The following SOX30 variants were observed in gnomAD, a reference collection of about 807,000 sequenced individuals.
SOX30 encodes transcription factor SOX-30.
Under a neutral mutation model 58.6 loss-of-function variants are expected in SOX30, and 17 were observed. The ratio of observed to expected loss-of-function variants is 0.29; its 90% CI spans 0.20 to 0.44. The LOEUF (loss-of-function observed/expected upper bound fraction) is 0.44, where lower values mean the gene tolerates loss of function less well. SOX30 is among the 20% of genes least tolerant of loss of function. The pLI is 1.00. For synonymous variants in SOX30, 421 were observed against 400.2 expected, an observed-to-expected ratio of 1.05 and a Z score of -0.62; for missense variants, 951 against 965.8, an observed-to-expected ratio of 0.98 and a Z score of 0.20.
At chr5:157,669,792 T>G (rs1759743883) in intron 1 of SOX30, among the ~76,000 whole-genome samples, 1 of 152,142 alleles carries the variant, frequency 6.6e-6, no homozygotes, top group Admixed American at 6.6e-5. Flanking sequence ...GTGCAGGGAT[T>G]ACAGGCATGA....
chr5:157,662,271 A>G (rs1561590477), intron 2 of SOX30, among the ~76,000 whole-genome samples: 1 of 152,028 alleles, frequency 6.6e-6, no homozygotes, highest in Non-Finnish European at 1.5e-5. Flanking sequence ...AAAGTTAACA[A>G]TTTTGTAGAT....
intron 2 of SOX30, among the ~76,000 whole-genome samples, chr5:157,658,657 C>A (rs1759525523): frequency 6.6e-6 from 1 of 152,162 alleles, no homozygotes; most frequent in South Asian, 2.1e-4. Context: ...TGCTCCTATT[C>A]AGCATGAAGA....
At chr5:157,629,419 A>G (rs531818806) in intron 4 of SOX30, among the ~76,000 whole-genome samples, 2 of 152,328 alleles carry the variant, frequency 1.3e-5, no homozygotes, top group African/African-American at 4.8e-5. Flanking sequence ...TTTAAAAAAC[A>G]TAAAATCTAG....
intron 4 of SOX30, among the ~76,000 whole-genome samples, chr5:157,631,068 T>TATTATATATATATATATATAC: frequency 5.8e-5 from 1 of 17,306 alleles, no homozygotes; most frequent in Non-Finnish European, 2.4e-4. Context: ...TATATATATA[T>TATTATATATATATATATATAC]ACACACAATA....
chr5:157,666,846 C>T (rs1759681968), intron 2 of SOX30, among the ~76,000 whole-genome samples: 1 of 152,186 alleles, frequency 6.6e-6, no homozygotes, highest in Non-Finnish European at 1.5e-5. Context: ...GTTGGGATTA[C>T]AGGCATGCAC....
intron 2 of SOX30, among the ~76,000 whole-genome samples, chr5:157,657,537 TC>T (rs1333709121): frequency 6.6e-6 from 1 of 152,198 alleles, no homozygotes; most frequent in African/African-American, 2.4e-5. Flanking sequence ...GCTGAAATGT[TC>T]AGGAATATCA....
At chr5:157,652,773 A>G (rs565150335), upstream of SOX30, among the ~76,000 whole-genome samples, 10 of 152,258 alleles carry the variant, frequency 6.6e-5, no homozygotes, top group Non-Finnish European at 1.2e-4. Context: ...TCTACCTGCC[A>G]TTATCCTGTT....
intron 2 of SOX30, among the ~76,000 whole-genome samples, chr5:157,657,989 C>T (rs1265355709): frequency 6.6e-6 from 1 of 152,188 alleles, no homozygotes; most frequent in Admixed American, 6.5e-5. Context: ...ACAACAGCCC[C>T]TGTACAGGGT....
At chr5:157,643,101 G>GACAACAACAACA (rs200189852) in intron 3 of SOX30, among the ~76,000 whole-genome samples, 32 of 149,932 alleles carry the variant, frequency 2.1e-4, no homozygotes, top group African/African-American at 6.1e-4. Context: ...GAAGAAAACG[G>GACAACAACAACA]ACAACAACAA....
In SOX30 at chr5:157,652,012, G is replaced by A; in HGVS notation, c.67C>T (p.Pro23Ser). 7.0e-7 allele frequency: 1 copy of A among 1,430,528 alleles called. No individual in the cohort carries two copies. The highest frequency in any genetic ancestry group is 9.1e-7 in the Non-Finnish European group (1 of 1,100,492). 88.6% of individuals were successfully genotyped at this position (1,430,528 alleles called of 1,614,324 possible). A position where few individuals can be genotyped will look rare whatever the true frequency, so the allele number is the denominator to read the frequency against. Residue 23 changes from proline to serine, a missense_variant, in exon 1 of 5, where the codon CCG becomes TCG. This residue lies in a region of SOX30 where 363 missense variants were observed against 294.5 expected (regional missense o/e 1.23). Transcript: ENST00000265007. ...GCCCAAAAGGAGGTGCCCTCGACCG[G>A]CAGCGGGGGCGGAGCGGGACGCAAC... ...RPLRPAPPPL[P>S]VEGTSFWAAA...
intron 2 of SOX30, among the ~76,000 whole-genome samples, chr5:157,658,913 AAAACAGGTTGCAGT>A (rs1561589406): frequency 6.6e-6 from 1 of 152,352 alleles, no homozygotes; most frequent in East Asian, 1.9e-4. Context: ...GCTTGCAGAT[AAAACAGGTTGCAGT>A]AAAGAAGCTG....
chr5:157,640,234 A>G (rs1429774601), intron 3 of SOX30, among the ~76,000 whole-genome samples: 1 of 152,228 alleles, frequency 6.6e-6, no homozygotes, highest in East Asian at 1.9e-4. Flanking sequence ...GGAACTCTCA[A>G]TTTCTATTCG....
rs1382385290 is a variant in SOX30, at chr5:157,648,067, AAAT to A, written c.1207+587_1207+589del. Among the ~76,000 whole-genome samples, 11 of 152,272 alleles carry A rather than the reference AAAT, an allele frequency of 7.2e-5. No individual in the cohort carries two copies. In the Middle Eastern group the frequency reaches 0.01, roughly 141 times the overall value. On this transcript the variant is annotated intron_variant, in intron 2 of 4. Transcript: ENST00000265007. ...AGAACCTCTCTGCCAATATTTCAGA[AAAT>A]AATAAGTTTTGTCCCACCTTGCACA... is the stretch of plus-strand genomic sequence containing the variant.
At chr5:157,670,819 G>C (rs1343861675) in intron 1 of SOX30, among the ~76,000 whole-genome samples, 1 of 152,184 alleles carries the variant, frequency 6.6e-6, no homozygotes, top group Admixed American at 6.5e-5. Flanking sequence ...GACTTGTTCA[G>C]AGTCATAAAG....
intron 4 of SOX30, among the ~76,000 whole-genome samples, chr5:157,637,464 G>A (rs966176114): frequency 6.6e-6 from 1 of 152,128 alleles, no homozygotes; most frequent in African/African-American, 2.4e-5. Context: ...TCACTTGGGA[G>A]CTTGCTAGAA....
chr5:157,631,979 G>A (rs1365851543), intron 4 of SOX30, among the ~76,000 whole-genome samples: 1 of 141,976 alleles, frequency 7.0e-6, no homozygotes, highest in African/African-American at 2.7e-5. Context: ...GGAGTTCGAG[G>A]CTGCAATGAG....
rs1758642650 is a variant in SOX30, at chr5:157,626,063, C to T, written c.*277G>A. 1 of 272,380 alleles carries T rather than the reference C, an allele frequency of 3.7e-6. No homozygotes were observed. The highest frequency in any genetic ancestry group is 6.8e-6 in the Non-Finnish European group (1 of 146,664). The allele number at this position is 272,380 out of a possible 1,614,324, so 16.9% of individuals were successfully genotyped here. A position where few individuals can be genotyped will look rare whatever the true frequency, so the allele number is the denominator to read the frequency against. On this transcript the variant is annotated 3_prime_UTR_variant, in exon 5 of 5. Coordinates refer to ENST00000265007, the MANE Select transcript of SOX30 (RefSeq NM_178424.2). ...ACAACTGTGAGGCTTCAGTATTTTG[C>T]ATGTTCCAGGATAAAGTAATAATAA...
chr5:157,657,665 T>C (rs1173475634), intron 2 of SOX30, among the ~76,000 whole-genome samples: 1 of 152,220 alleles, frequency 6.6e-6, no homozygotes, highest in East Asian at 1.9e-4. Context: ...AGGAAACTTA[T>C]CTTTTGAGCT....
intron 3 of SOX30, among the ~76,000 whole-genome samples, chr5:157,646,269 A>T (rs898650651): frequency 9.9e-5 from 15 of 152,208 alleles, no homozygotes; most frequent in African/African-American, 3.4e-4. Flanking sequence ...ACTAAGTTCC[A>T]GGACAGGATG....
Sources: allele counts gnomAD v4.1 joint callset (sites outside exome capture counted in the v4.1 genomes callset), GRCh38; gene constraint gnomAD v4.1.1; regional missense constraint gnomAD v4.1.1; transcripts MANE v1.5; gene names NCBI Gene and HGNC (gene_info 2026-07-23, HGNC 2026-07-21).